MGST1: variants seen among roughly 807,000 people sequenced by gnomAD.
The protein encoded by MGST1 is glutathione S-transferase 12.
In MGST1, 5 loss-of-function variants were observed where a neutral mutation model predicts 8.9. That is an observed-to-expected ratio of 0.56 (90% CI 0.29 to 1.19). The LOEUF is 1.19. Ranked by LOEUF, MGST1 falls within the 50% of genes most tolerant of loss-of-function variation. The pLI is 0.08. For missense variants in MGST1, 182 were observed against 187.4 expected (o/e 0.97, Z 0.17); for synonymous variants, 54 against 67.8 (o/e 0.80, Z 1.00).
At chr12:16,357,573 G>T in intron 2 of MGST1, 32 bp from the exon 3 acceptor site, 1 of 1,566,700 alleles carries the variant, frequency 6.4e-7, no homozygotes, top group Non-Finnish European at 8.8e-7. Flanking sequence ...GCCAGTATTT[G>T]AAATAAGTTT....
chr12:16,536,924 C>T lies in MGST1; in HGVS notation n.483-52604C>T, dbSNP rs560719182. ...AGCCATATCATTTCACCCTTAGCCC[C>T]TCCAAATCTCAAGTCCTCAAATTTC... On this transcript the variant is annotated intron_variant and non_coding_transcript_variant, in intron 4 of 4. Transcript: ENST00000538857. Among the ~76,000 whole-genome samples the T allele has an allele frequency of 3.2e-4, 48 of 152,234 alleles. 1 individual carries two copies. Among genetic ancestry groups the T allele is most frequent in the African/African-American group, 1.1e-3 (46 of 41,524 alleles).
chr12:16,455,883 G>T (rs1443135057), intron 4 of MGST1, among the ~76,000 whole-genome samples: 1 of 151,822 alleles, frequency 6.6e-6, no homozygotes, highest in Non-Finnish European at 1.5e-5. Flanking sequence ...TCAATAGTAA[G>T]TTATTGAAAC....
rs1380097577 is a variant in MGST1 at position 16,362,039 on chromosome 12, G to C, written c.222-1756G>C. Among the ~76,000 whole-genome samples, 1 of 152,104 alleles carries C rather than the reference G, an allele frequency of 6.6e-6. No homozygotes were observed. Among genetic ancestry groups the C allele is most frequent in the Non-Finnish European group, 1.5e-5 (1 of 68,024 alleles). ...TTTTCCAGAGAGTCTCCTTTTTATA[G>C]TTTCTTCCTCAACCTTAAAATGTCT... On this transcript the variant is annotated intron_variant, in intron 3 of 3. Transcript: ENST00000396210. This position sits in a 1 kb window ranked among gnomAD's most constrained non-coding sequence, Gnocchi z 4.4.
intron 1 of MGST1, among the ~76,000 whole-genome samples, chr12:16,390,740 T>C (rs1326046977): frequency 6.6e-6 from 1 of 152,236 alleles, no homozygotes; most frequent in African/African-American, 2.4e-5. Context: ...TTCCCTGTCA[T>C]TGCTATTGTA....
intron 4 of MGST1, among the ~76,000 whole-genome samples, chr12:16,554,876 T>G (rs1317026196): frequency 2.0e-5 from 3 of 152,084 alleles, no homozygotes; most frequent in Non-Finnish European, 4.4e-5. Flanking sequence ...GCCAGGATGG[T>G]CTCGATCTCC....
chr12:16,374,990 C>G (rs1216083087), intron 3 of MGST1, among the ~76,000 whole-genome samples: 1 of 152,176 alleles, frequency 6.6e-6, no homozygotes, highest in African/African-American at 2.4e-5. Flanking sequence ...AAGCGATCCT[C>G]CCTCTGCCGC....
chr12:16,554,428 G>A (rs1942109015), intron 4 of MGST1, among the ~76,000 whole-genome samples: 1 of 152,088 alleles, frequency 6.6e-6, no homozygotes, highest in Non-Finnish European at 1.5e-5. Context: ...TCAGTTAACT[G>A]TAAGTTAGAG....
intron 1 of MGST1, among the ~76,000 whole-genome samples, chr12:16,427,276 G>A (rs1260921907): frequency 6.6e-6 from 1 of 152,170 alleles, no homozygotes; most frequent in East Asian, 1.9e-4. Context: ...AATGATCTAT[G>A]TAAACAGGGG....
chr12:16,567,835 G>C (rs1033515356), intron 4 of MGST1, among the ~76,000 whole-genome samples: 5 of 152,066 alleles, frequency 3.3e-5, no homozygotes, highest in African/African-American at 1.2e-4. Context: ...CAATCAGACA[G>C]AACACCACCA....
intron 4 of MGST1, among the ~76,000 whole-genome samples, chr12:16,454,678 A>G (rs537768130): frequency 1.4e-4 from 21 of 151,962 alleles, no homozygotes; most frequent in African/African-American, 4.8e-4. Flanking sequence ...AATAACCTGT[A>G]GAAATGTAGA....
intron 4 of MGST1, among the ~76,000 whole-genome samples, chr12:16,527,673 T>A (rs116162531): frequency 0.014 from 2,113 of 152,100 alleles, 47 homozygotes; most frequent in African/African-American, 0.048. Context: ...TCTATTAGGT[T>A]GCTAAGACTA....
At chr12:16,575,724 C>A (rs1942972760) in intron 4 of MGST1, among the ~76,000 whole-genome samples, 1 of 152,108 alleles carries the variant, frequency 6.6e-6, no homozygotes, top group African/African-American at 2.4e-5. Context: ...GTCAAGAGAA[C>A]AACAGAAGGA....
At chr12:16,386,207 G>T (rs1431855841) in intron 1 of MGST1, among the ~76,000 whole-genome samples, 1 of 152,178 alleles carries the variant, frequency 6.6e-6, no homozygotes, top group Non-Finnish European at 1.5e-5. Flanking sequence ...TTTTGGAGAA[G>T]ATCGGTGATT....
intron 1 of MGST1, among the ~76,000 whole-genome samples, chr12:16,417,996 T>G (rs1940800903): frequency 6.6e-6 from 1 of 152,198 alleles, no homozygotes; most frequent in Non-Finnish European, 1.5e-5. Flanking sequence ...AATTTCCAGC[T>G]TGAACAGCTC....
At chr12:16,432,830 C>T (rs528347910) in intron 1 of MGST1, among the ~76,000 whole-genome samples, 1 of 151,954 alleles carries the variant, frequency 6.6e-6, no homozygotes, top group South Asian at 2.1e-4. Flanking sequence ...TTCACTCACA[C>T]AATTATGGAC....
intron 4 of MGST1, among the ~76,000 whole-genome samples, chr12:16,496,560 C>T (rs563981128): frequency 2.0e-5 from 3 of 152,084 alleles, no homozygotes; most frequent in Non-Finnish European, 2.9e-5. Context: ...GTTTGGGGTA[C>T]GACTAATCCC....
intron 4 of MGST1, among the ~76,000 whole-genome samples, chr12:16,454,264 G>A (rs1941152033): frequency 2.6e-5 from 4 of 151,822 alleles, no homozygotes; most frequent in Non-Finnish European, 5.9e-5. Flanking sequence ...TTCCTGGTAG[G>A]CAAATTACTT....
intron 3 of MGST1, among the ~76,000 whole-genome samples, chr12:16,373,417 C>A (rs1357705228): frequency 6.6e-6 from 1 of 151,556 alleles, no homozygotes; most frequent in Non-Finnish European, 1.5e-5. Context: ...TGGAGTGTTC[C>A]TAACACAAAG....
rs771752403 is a variant in MGST1, at chr12:16,482,570, G to T, written n.482+98966G>T. 6.6e-6 allele frequency among the ~76,000 whole-genome samples: 1 copy of T among 151,810 alleles called. No homozygotes were observed. The highest frequency in any genetic ancestry group is 1.5e-5 in the Non-Finnish European group (1 of 67,994). ...TGCTTGAAACTGGGAGGTGGAGATT[G>T]CAGTGAGCCAAGATCACGCCACTGC... On this transcript the variant is annotated intron_variant and non_coding_transcript_variant, in intron 4 of 4. Coordinates refer to the MGST1 transcript ENST00000538857. The surrounding 1 kb of genome is among the most constrained non-coding windows in gnomAD (Gnocchi z 4.2).
Sources: gnomAD v4.1 joint callset for allele counts (sites outside exome capture counted in the v4.1 genomes callset) on GRCh38, gnomAD v4.1.1 for gene constraint, Gnocchi (gnomAD v3.1) non-coding constraint, MANE v1.5 for transcripts, NCBI Gene and HGNC (gene_info 2026-07-23, HGNC 2026-07-21) for gene names.